MYOF: variants seen among roughly 807,000 people sequenced by gnomAD.
The protein encoded by MYOF is myoferlin, also known as fer-1-like 3, myoferlin.
A neutral mutation model predicts 284.2 loss-of-function variants in MYOF; 244 were observed. The observed-to-expected ratio is 0.86, with a 90% CI of 0.77 to 0.95. The LOEUF (loss-of-function observed/expected upper bound fraction) is 0.95, where lower values mean the gene tolerates loss of function less well. MYOF is among the 40% of genes least tolerant of loss of function. The pLI, the probability that MYOF is intolerant of heterozygous loss-of-function variation, is 0.00. For missense variants in MYOF, 2,496 were observed against 2,560.6 expected, an observed-to-expected ratio of 0.97 and a Z score of 0.54; for synonymous variants, 904 against 919.7, an observed-to-expected ratio of 0.98 and a Z score of 0.31.
At chr10:93,397,973 C>A (rs1349914857) in intron 13 of MYOF, among the ~76,000 whole-genome samples, 1 of 152,158 alleles carries the variant, frequency 6.6e-6, no homozygotes, top group African/African-American at 2.4e-5. Flanking sequence ...ATGTTTCTCC[C>A]CAGGACACCT....
chr10:93,481,406 G>A (rs189901828), intron 1 of MYOF, among the ~76,000 whole-genome samples: 63 of 152,092 alleles, frequency 4.1e-4, no homozygotes, highest in Admixed American at 1.8e-3. Flanking sequence ...AACCCTTCTC[G>A]CCTGTTTTGC....
chr10:93,469,340 G>A (rs1306604676), intron 1 of MYOF, among the ~76,000 whole-genome samples: 2 of 151,860 alleles, frequency 1.3e-5, no homozygotes, highest in Non-Finnish European at 2.9e-5. Context: ...GGCAGAGGTT[G>A]CAGTGAGCCA....
intron 38 of MYOF, 122 bp from the exon 39 acceptor site, chr10:93,340,286 T>C: frequency 1.1e-6 from 1 of 946,056 alleles, no homozygotes; most frequent in Non-Finnish European, 1.6e-6. Flanking sequence ...CATGCATGCC[T>C]TATATTATCA....
intron 10 of MYOF, 87 bp downstream of exon 10, chr10:93,402,773 C>T: frequency 1.6e-6 from 2 of 1,272,430 alleles, no homozygotes; most frequent in Non-Finnish European, 2.2e-6. Flanking sequence ...TTTGATCCCC[C>T]CCAAATTGTC....
intron 41 of MYOF, among the ~76,000 whole-genome samples, chr10:93,334,548 T>A (rs1843509319): frequency 1.3e-5 from 2 of 152,158 alleles, no homozygotes; most frequent in Admixed American, 6.5e-5. Context: ...GTCTTGTTCA[T>A]CACCCTATCT....
Position 93,351,658 on chromosome 10 carries a change from G to C in MYOF, c.3663+7C>G. 6.3e-7 allele frequency: 1 copy of C among 1,588,716 alleles called. No individual in the cohort carries two copies. Among genetic ancestry groups the C allele is most frequent in the Non-Finnish European group, 8.6e-7 (1 of 1,168,470 alleles). ...CCAAGTTATCTTAGAAATTCTAAAC[G>C]ACCTACCACTTGGTCATTGTCAAAA... On this transcript the variant is annotated splice_region_variant and intron_variant, in intron 33 of 53. Transcript: ENST00000359263.
chr10:93,452,650 C>G (rs1177080916), intron 2 of MYOF, among the ~76,000 whole-genome samples: 1 of 151,742 alleles, frequency 6.6e-6, no homozygotes, highest in African/African-American at 2.4e-5. Context: ...CACATGTATA[C>G]ATATGTAACA....
intron 29 of MYOF, 128 bp from the exon 30 acceptor site, chr10:93,356,976 G>A: frequency 4.1e-6 from 4 of 979,544 alleles, no homozygotes; most frequent in Non-Finnish European, 5.9e-6. Context: ...CAAGTACTGA[G>A]CTAGAGTCAG....
chr10:93,446,000 C>G (rs2056416718), intron 3 of MYOF, among the ~76,000 whole-genome samples: 1 of 146,298 alleles, frequency 6.8e-6, no homozygotes, highest in Non-Finnish European at 1.5e-5. Flanking sequence ...TAGTTTATTC[C>G]CAGATGGTTA....
intron 4 of MYOF, among the ~76,000 whole-genome samples, chr10:93,429,224 T>C (rs189698488): frequency 6.6e-6 from 1 of 152,286 alleles, no homozygotes; most frequent in East Asian, 1.9e-4. Context: ...TTGCTCCCTT[T>C]CTCACTATGT....
At chr10:93,450,136 G>A (rs2056549691) in intron 3 of MYOF, among the ~76,000 whole-genome samples, 2 of 152,138 alleles carry the variant, frequency 1.3e-5, no homozygotes, top group Non-Finnish European at 2.9e-5. Flanking sequence ...GCTCACACCT[G>A]TAATCCCAGC....
intron 3 of MYOF, among the ~76,000 whole-genome samples, chr10:93,440,946 G>A (rs543215405): frequency 6.6e-6 from 1 of 152,156 alleles, no homozygotes; most frequent in Non-Finnish European, 1.5e-5. Context: ...GCCTCTCCCC[G>A]TATAGAGACA....
intron 10 of MYOF, 143 bp from the exon 11 acceptor site, chr10:93,402,490 A>G: frequency 2.9e-6 from 2 of 685,132 alleles, no homozygotes; most frequent in Non-Finnish European, 5.1e-6. Context: ...GTCCACTTTC[A>G]CGTCTTCTGT....
intron 4 of MYOF, among the ~76,000 whole-genome samples, chr10:93,430,066 A>C (rs1055172771): frequency 6.6e-6 from 1 of 151,010 alleles, no homozygotes; most frequent in African/African-American, 2.4e-5. Flanking sequence ...TCCCAAGTAG[A>C]TGGGACTACA....
In MYOF at chr10:93,374,824, A is replaced by C; in HGVS notation, c.2240T>G (p.Val747Gly). ...AVRMRSEATD[V>G]KSTLAEIEDW... The stretch of plus-strand genomic sequence containing the variant: ...CTCAATTTCTGCCAGTGTGGACTTC[A>C]CATCTGTGGCTTCCGACCTCATCCT... The change falls in exon 23 of 54, where the codon GTG becomes GGG. Residue 747 changes from valine (V) to glycine (G), a missense_variant. By Grantham distance (109) the Val-to-Gly change is moderately radical. Coordinates refer to ENST00000359263, the MANE Select transcript of MYOF (RefSeq NM_013451.4). The C allele has an allele frequency of 6.2e-7, 1 of 1,614,182 alleles. No individual in the cohort carries two copies. Among genetic ancestry groups the C allele is most frequent in the South Asian group, 1.1e-5 (1 of 91,084 alleles).
At chr10:93,334,874 A>C (rs1453839517) in intron 41 of MYOF, among the ~76,000 whole-genome samples, 1 of 152,106 alleles carries the variant, frequency 6.6e-6, no homozygotes, top group Admixed American at 6.5e-5. Flanking sequence ...CTGTACTGAG[A>C]AGGATTTGAG....
chr10:93,453,104 TA>T (rs201378060), intron 2 of MYOF, among the ~76,000 whole-genome samples: 4 of 150,836 alleles, frequency 2.7e-5, no homozygotes, highest in East Asian at 1.9e-4. Context: ...TTAGCACTTC[TA>T]AAAAAAAACA....
intron 7 of MYOF, among the ~76,000 whole-genome samples, 173 bp from the exon 8 acceptor site, chr10:93,404,392 T>A (rs1369597720): frequency 6.6e-6 from 1 of 152,198 alleles, no homozygotes; most frequent in Admixed American, 6.5e-5. Context: ...AGTTTAAGCT[T>A]CATGGTAAAC....
chr10:93,411,107 G>C (rs543532457), intron 5 of MYOF, among the ~76,000 whole-genome samples: 1 of 152,268 alleles, frequency 6.6e-6, no homozygotes, highest in Non-Finnish European at 1.5e-5. Flanking sequence ...CTGGCATACA[G>C]AAGCACCCAA....
Sources: gnomAD v4.1 joint callset for allele counts (sites outside exome capture counted in the v4.1 genomes callset) on GRCh38, gnomAD v4.1.1 for gene constraint, MANE v1.5 for transcripts, NCBI Gene and HGNC (gene_info 2026-07-23, HGNC 2026-07-21) for gene names.